The following CDH1 variants were observed in gnomAD, a reference collection of about 807,000 sequenced individuals.
The protein encoded by CDH1 is cadherin 1, also known as cadherin-1.
CDH1 carries 35 observed loss-of-function variants against 84.5 expected under a neutral mutation model. The observed-to-expected ratio is 0.41, with a 90% CI of 0.32 to 0.55. The LOEUF (loss-of-function observed/expected upper bound fraction) is 0.55. CDH1 is among the 20% of genes least tolerant of loss of function. CDH1 has a pLI of 0.19. For missense variants in CDH1, 994 were observed against 1,126.6 expected, an observed-to-expected ratio of 0.88 and a Z score of 1.68; for synonymous variants, 417 against 439.0, an observed-to-expected ratio of 0.95 and a Z score of 0.63.
At chr16:68,756,118 A>G (rs1408810604) in intron 2 of CDH1, among the ~76,000 whole-genome samples, 1 of 150,252 alleles carries the variant, frequency 6.7e-6, no homozygotes, top group African/African-American at 2.5e-5. Flanking sequence ...CTAAACAGGC[A>G]TCATTTAGGG....
At chr16:68,811,548 A>T in intron 6 of CDH1, 136 bp from the exon 7 acceptor site, 1 of 746,560 alleles carries the variant, frequency 1.3e-6, no homozygotes, top group Non-Finnish European at 2.3e-6. Context: ...TAAGAATTCT[A>T]GGAATTAGGG....
chr16:68,803,138 A>G (rs1034772240), intron 3 of CDH1, among the ~76,000 whole-genome samples: 5 of 152,138 alleles, frequency 3.3e-5, no homozygotes, highest in Non-Finnish European at 4.4e-5. Flanking sequence ...AATATGTTGT[A>G]AGTGCCAGGG....
intron 2 of CDH1, among the ~76,000 whole-genome samples, chr16:68,790,136 G>T (rs1483973619): frequency 2.0e-5 from 3 of 152,138 alleles, no homozygotes; most frequent in Non-Finnish European, 4.4e-5. Flanking sequence ...ATGTTAGGAG[G>T]CATTTTGGTG....
At position 68,778,271 on chromosome 16, in the gene CDH1, T is replaced by A. The variant is rs533872254; in HGVS notation, c.164-23399T>A. Among the ~76,000 whole-genome samples, 31 of 152,098 alleles carry A rather than the reference T, an allele frequency of 2.0e-4. 1 individual carries two copies. Among genetic ancestry groups the A allele is most frequent in the African/African-American group, 7.5e-4 (31 of 41,480 alleles). The stretch of plus-strand genomic sequence containing the variant: ...CCATATTGGCCAGGCTGGTCTCGAA[T>A]TCCTGACCTTGTGATCCGCCTGCCT... On this transcript the variant is annotated intron_variant, in intron 2 of 15. Transcript: ENST00000261769.
chr16:68,789,230 T>C (rs1424782209), intron 2 of CDH1, among the ~76,000 whole-genome samples: 1 of 152,062 alleles, frequency 6.6e-6, no homozygotes, highest in Non-Finnish European at 1.5e-5. Flanking sequence ...GCTCTCCCCA[T>C]GTTGCCCAGG....
chr16:68,815,860 T>A (rs2152135273), intron 10 of CDH1, 101 bp downstream of exon 10: 1 of 1,361,610 alleles, frequency 7.3e-7, no homozygotes, highest in South Asian at 1.2e-5. Context: ...TTGTCATTTG[T>A]CTGTACAAGA....
At chr16:68,831,896 C>T (rs1228557341) in intron 15 of CDH1, among the ~76,000 whole-genome samples, 1 of 152,024 alleles carries the variant, frequency 6.6e-6, no homozygotes, top group Non-Finnish European at 1.5e-5. Flanking sequence ...TACTCATTTG[C>T]AAGTCATCAC....
chr16:68,796,102 G>A (rs1960352998), intron 2 of CDH1, among the ~76,000 whole-genome samples: 1 of 152,000 alleles, frequency 6.6e-6, no homozygotes, highest in African/African-American at 2.4e-5. Context: ...GGTGGAGGTT[G>A]CAGTGAGTTG....
chr16:68,817,662 C>A (rs1313653481), intron 10 of CDH1, among the ~76,000 whole-genome samples: 1 of 152,004 alleles, frequency 6.6e-6, no homozygotes, highest in African/African-American at 2.4e-5. Context: ...CTGTTCTTGC[C>A]CCCACCGACC....
chr16:68,834,254 A>C lies in CDH1; in HGVS notation c.*755A>C. The C allele has an allele frequency of 2.0e-6, 1 of 510,208 alleles. No individual in the cohort carries two copies. Among genetic ancestry groups the C allele is most frequent in the Non-Finnish European group, 3.8e-6 (1 of 259,958 alleles). 31.6% of individuals were successfully genotyped at this position (510,208 alleles called of 1,614,324 possible). A position where few individuals can be genotyped will look rare whatever the true frequency, so the allele number is the denominator to read the frequency against. On this transcript the variant is annotated 3_prime_UTR_variant, in exon 16 of 16. Transcript: ENST00000261769. Reference sequence around the variant, plus strand: ...CAGACATGAGCCACTGCACCTGCCCAGCTCCCCAACTCCCTGCCATTTTTT... The same window carrying C: ...CAGACATGAGCCACTGCACCTGCCCCGCTCCCCAACTCCCTGCCATTTTTT...
intron 2 of CDH1, among the ~76,000 whole-genome samples, chr16:68,775,643 T>A (rs1959712201): frequency 6.6e-6 from 1 of 152,228 alleles, no homozygotes; most frequent in Non-Finnish European, 1.5e-5. Flanking sequence ...CACATGGGAC[T>A]CAAGTTTGTA....
At chr16:68,774,576 G>A (rs968620658) in intron 2 of CDH1, among the ~76,000 whole-genome samples, 5 of 152,190 alleles carry the variant, frequency 3.3e-5, no homozygotes, top group Non-Finnish European at 5.9e-5. Context: ...TGCATTCAAC[G>A]TGGTGCACTC....
chr16:68,759,404 A>G (rs932402281), intron 2 of CDH1, among the ~76,000 whole-genome samples: 8 of 151,870 alleles, frequency 5.3e-5, no homozygotes, highest in African/African-American at 1.7e-4. Flanking sequence ...TGAGTACTCA[A>G]CTGTTCATGT....
intron 3 of CDH1, among the ~76,000 whole-genome samples, chr16:68,807,843 G>A (rs1237816317): frequency 2.0e-5 from 3 of 151,998 alleles, no homozygotes; most frequent in Admixed American, 2.0e-4. Context: ...CATTTTGGGA[G>A]GCCACATTGC....
At chr16:68,791,551 T>C (rs913609784) in intron 2 of CDH1, among the ~76,000 whole-genome samples, 5 of 151,942 alleles carry the variant, frequency 3.3e-5, no homozygotes, top group African/African-American at 1.2e-4. Flanking sequence ...GCCTCCTAAA[T>C]AGCTGGGACT....
In CDH1 at chr16:68,834,888, C is replaced by A. The variant is rs903914059; in HGVS notation, c.*1389C>A. Reference sequence around the variant, plus strand: ...GATGGCAGGAGAGCTTGTCATTGAGCCTGGCAATTTAGCAAACTGATGCTG... The same window carrying A: ...GATGGCAGGAGAGCTTGTCATTGAGACTGGCAATTTAGCAAACTGATGCTG... On this transcript the variant is annotated 3_prime_UTR_variant, in exon 16 of 16. Coordinates refer to ENST00000261769, the MANE Select transcript of CDH1 (RefSeq NM_004360.5). 2.2e-5 allele frequency: 5 copies of A among 232,480 alleles called. No individual in the cohort carries two copies. Among genetic ancestry groups the A allele is most frequent in the African/African-American group, 1.1e-4 (5 of 45,248 alleles). The allele number at this position is 232,480 out of a possible 1,614,324, so 14.4% of individuals were successfully genotyped here. A position where few individuals can be genotyped will look rare whatever the true frequency, so the allele number is the denominator to read the frequency against.
At chr16:68,796,880 G>C (rs1465731860) in intron 2 of CDH1, among the ~76,000 whole-genome samples, 2 of 152,152 alleles carry the variant, frequency 1.3e-5, no homozygotes, top group Non-Finnish European at 2.9e-5. Context: ...ACTTGTATCT[G>C]TAATCCCAGC....
chr16:68,801,374 C>T (rs1018292338), intron 2 of CDH1, among the ~76,000 whole-genome samples: 1 of 152,092 alleles, frequency 6.6e-6, no homozygotes, highest in African/African-American at 2.4e-5. Flanking sequence ...CCTTGGCCTC[C>T]CAAAATGCTG....
chr16:68,767,352 G>A (rs1199679871), intron 2 of CDH1, among the ~76,000 whole-genome samples: 3 of 151,918 alleles, frequency 2.0e-5, no homozygotes, highest in Non-Finnish European at 4.4e-5. Context: ...GTGCCACCAT[G>A]CCCGGCTAAT....
Sources: gnomAD v4.1 joint callset for allele counts (sites outside exome capture counted in the v4.1 genomes callset) on GRCh38, gnomAD v4.1.1 for gene constraint, MANE v1.5 for transcripts, NCBI Gene and HGNC (gene_info 2026-07-23, HGNC 2026-07-21) for gene names.